BCKDHB: variants seen among roughly 807,000 people sequenced by gnomAD.
The protein encoded by BCKDHB is branched chain keto acid dehydrogenase E1 subunit beta.
A neutral mutation model predicts 48.5 loss-of-function variants in BCKDHB; 41 were observed. That is an observed-to-expected ratio of 0.85 (90% confidence interval 0.66 to 1.10). The LOEUF (loss-of-function observed/expected upper bound fraction) is 1.10, where lower values mean the gene tolerates loss of function less well. Ranked by LOEUF, BCKDHB falls within the 50% of genes least tolerant of loss-of-function variation. BCKDHB has a pLI of 0.00. For missense variants in BCKDHB, 496 were observed against 494.2 expected (o/e 1.00, Z -0.03); for synonymous variants, 201 against 174.8 (o/e 1.15, Z -1.18).
intron 8 of BCKDHB, among the ~76,000 whole-genome samples, chr6:80,272,627 G>A (rs960153692): frequency 9.9e-5 from 15 of 152,132 alleles, no homozygotes; most frequent in Admixed American, 9.2e-4. Context: ...CATTAACGAA[G>A]GAGGTTTACT....
chr6:80,417,728 G>A, the BCKDHB span, among the ~76,000 whole-genome samples: 1 of 152,098 alleles, frequency 6.6e-6, no homozygotes, highest in Non-Finnish European at 1.5e-5. Context: ...TCTTCCTTTT[G>A]TAGGTGACCT....
chr6:80,131,608 T>G (rs897704646), intron 3 of BCKDHB, among the ~76,000 whole-genome samples: 1 of 152,150 alleles, frequency 6.6e-6, no homozygotes, highest in Non-Finnish European at 1.5e-5. Flanking sequence ...AGTGTGATGA[T>G]TTTAACATGC....
chr6:80,194,531 T>G (rs1432165425), intron 6 of BCKDHB, among the ~76,000 whole-genome samples: 2 of 152,210 alleles, frequency 1.3e-5, no homozygotes, highest in African/African-American at 2.4e-5. Context: ...GGAAGACAGT[T>G]CCTTTGTCTT....
the BCKDHB span, among the ~76,000 whole-genome samples, chr6:80,449,493 T>C: frequency 3.2e-4 from 48 of 152,254 alleles, no homozygotes; most frequent in African/African-American, 1.1e-3. Context: ...TAAATAAGAA[T>C]AGTAATTAAT....
the BCKDHB span, among the ~76,000 whole-genome samples, chr6:80,437,581 C>T: frequency 6.6e-6 from 1 of 152,068 alleles, no homozygotes; most frequent in Non-Finnish European, 1.5e-5. Flanking sequence ...AGTGTTCTCA[C>T]AAAAAAAGTC....
the BCKDHB span, among the ~76,000 whole-genome samples, chr6:80,383,474 A>G: frequency 1.6e-4 from 24 of 152,236 alleles, 1 homozygote; most frequent in South Asian, 5.0e-3. Context: ...GACTTTTTCA[A>G]ATGACTATAA....
the BCKDHB span, among the ~76,000 whole-genome samples, chr6:80,407,168 A>G: frequency 6.6e-6 from 1 of 151,932 alleles, no homozygotes; most frequent in Admixed American, 6.6e-5. Flanking sequence ...ATGGATATAG[A>G]TGTGTGGTGT....
intron 8 of BCKDHB, among the ~76,000 whole-genome samples, chr6:80,229,915 A>T (rs1437123600): frequency 6.6e-6 from 1 of 151,976 alleles, no homozygotes; most frequent in East Asian, 1.9e-4. Flanking sequence ...AATCTTAGGA[A>T]GGCTGTTAAA....
intron 9 of BCKDHB, among the ~76,000 whole-genome samples, chr6:80,303,371 T>A (rs1456610022): frequency 6.6e-6 from 1 of 152,020 alleles, no homozygotes; most frequent in Admixed American, 6.6e-5. Context: ...ACTGAATAAG[T>A]CTGGCAAAAA....
the BCKDHB span, among the ~76,000 whole-genome samples, chr6:80,408,440 T>G: frequency 6.6e-6 from 1 of 151,806 alleles, no homozygotes; most frequent in African/African-American, 2.4e-5. Flanking sequence ...TACCAGCTCC[T>G]TTTTTTTAAC....
At chr6:80,139,877 C>G (rs1450668353) in intron 3 of BCKDHB, among the ~76,000 whole-genome samples, 1 of 152,154 alleles carries the variant, frequency 6.6e-6, no homozygotes, top group Non-Finnish European at 1.5e-5. Context: ...GGCATTGAAT[C>G]TATAAATTAC....
chr6:80,236,070 A>G (rs1295794677), intron 8 of BCKDHB, among the ~76,000 whole-genome samples: 1 of 152,338 alleles, frequency 6.6e-6, no homozygotes, highest in Non-Finnish European at 1.5e-5. Flanking sequence ...TTAATTTTTC[A>G]ATCTCAAGTT....
chr6:80,182,068 A>G (rs1458731496), intron 6 of BCKDHB, among the ~76,000 whole-genome samples: 1 of 152,064 alleles, frequency 6.6e-6, no homozygotes, highest in Non-Finnish European at 1.5e-5. Context: ...TTTATTTCAT[A>G]TTTCTTCTAT....
intron 3 of BCKDHB, among the ~76,000 whole-genome samples, chr6:80,133,575 G>A (rs1405266011): frequency 6.6e-6 from 1 of 152,174 alleles, no homozygotes; most frequent in Non-Finnish European, 1.5e-5. Flanking sequence ...GGGAGTGGGA[G>A]AGGGCAGTTA....
At chr6:80,283,937 GAC>G (rs980869566) in intron 9 of BCKDHB, among the ~76,000 whole-genome samples, 1 of 152,078 alleles carries the variant, frequency 6.6e-6, no homozygotes, top group African/African-American at 2.4e-5. Context: ...CAAAAATGAA[GAC>G]ACATATTCAA....
intron 3 of BCKDHB, among the ~76,000 whole-genome samples, chr6:80,145,687 G>A (rs1771449706): frequency 6.6e-6 from 1 of 152,164 alleles, no homozygotes; most frequent in African/African-American, 2.4e-5. Context: ...TGGACCAACT[G>A]TTCACAAGTT....
the BCKDHB span, among the ~76,000 whole-genome samples, chr6:80,413,189 C>T: frequency 2.6e-5 from 4 of 152,084 alleles, no homozygotes; most frequent in South Asian, 2.1e-4. Flanking sequence ...TTCTTTACTC[C>T]TTTTTAAAAA....
At chr6:80,224,328 T>A (rs1457758271) in intron 8 of BCKDHB, among the ~76,000 whole-genome samples, 1 of 152,172 alleles carries the variant, frequency 6.6e-6, no homozygotes, top group Non-Finnish European at 1.5e-5. Context: ...TTTAATCAGG[T>A]TGGTTGATGT....
At chr6:80,450,408 A>T in the BCKDHB span, among the ~76,000 whole-genome samples, 1 of 152,120 alleles carries the variant, frequency 6.6e-6, no homozygotes, top group Non-Finnish European at 1.5e-5. Flanking sequence ...GTAGTGAGAC[A>T]AGATCGTGGA....
Sources: allele counts gnomAD v4.1 joint callset (sites outside exome capture counted in the v4.1 genomes callset), GRCh38; gene constraint gnomAD v4.1.1; transcripts MANE v1.5; gene names NCBI Gene and HGNC (gene_info 2026-07-23, HGNC 2026-07-21).